The following SYNE2 variants were observed in gnomAD, a reference collection of about 807,000 sequenced individuals.
SYNE2 encodes nesprin-2.
In SYNE2, 431 loss-of-function variants were observed where a neutral mutation model predicts 856.3. The ratio of observed to expected loss-of-function variants is 0.50; its 90% CI spans 0.47 to 0.55. SYNE2 has a LOEUF of 0.55. Among genes scored for constraint, SYNE2 ranks in the 20% least tolerant of loss-of-function variants. The probability of loss-of-function intolerance (pLI) is 0.00; values close to 1 mark genes in which losing one functional copy is unlikely to be tolerated. For missense variants in SYNE2, 8,129 were observed against 8,023.2 expected (o/e 1.01, Z -0.50); for synonymous variants, 2,923 against 2,872.3 (o/e 1.02, Z -0.56).
intron 45 of SYNE2, among the ~76,000 whole-genome samples, chr14:64,047,041 T>G (rs1456925192): frequency 3.3e-5 from 5 of 152,230 alleles, no homozygotes; most frequent in Non-Finnish European, 7.3e-5. Context: ...AGGGCTGGTG[T>G]AACAGCCTTT....
At chr14:64,006,916 T>C in intron 30 of SYNE2, 127 bp from the exon 31 acceptor site, 1 of 732,058 alleles carries the variant, frequency 1.4e-6, no homozygotes, top group Non-Finnish European at 2.4e-6. Context: ...GTAACAGGAA[T>C]GTGTAATTTT....
intron 2 of SYNE2, among the ~76,000 whole-genome samples, chr14:63,919,403 C>T (rs184642595): frequency 5.2e-4 from 79 of 152,228 alleles, no homozygotes; most frequent in African/African-American, 1.7e-3. Flanking sequence ...AGCATGGAAG[C>T]GGGTCCAATC....
At chr14:63,942,256 G>A in intron 6 of SYNE2, 113 bp downstream of exon 6, 2 of 725,866 alleles carry the variant, frequency 2.8e-6, no homozygotes, top group South Asian at 3.1e-5. Flanking sequence ...CTATAAATAG[G>A]ACCTCTGAAA....
At chr14:64,131,842 TG>T (rs1414727444) in intron 76 of SYNE2, among the ~76,000 whole-genome samples, 2 of 152,244 alleles carry the variant, frequency 1.3e-5, no homozygotes, top group Non-Finnish European at 2.9e-5. Context: ...TCATTTAAAA[TG>T]GATTATTTAG....
At chr14:63,826,329 C>T (rs1264017584) in intron 1 of SYNE2, among the ~76,000 whole-genome samples, 1 of 152,094 alleles carries the variant, frequency 6.6e-6, no homozygotes, top group Non-Finnish European at 1.5e-5. Context: ...GAGACCGAGT[C>T]TCGCTCTGTT....
intron 1 of SYNE2, among the ~76,000 whole-genome samples, chr14:63,791,655 A>C (rs79450446): frequency 0.047 from 7,105 of 152,264 alleles, 253 homozygotes; most frequent in Non-Finnish European, 0.075. Flanking sequence ...CTCAAATAAA[A>C]ACTTAAGGCT....
Position 63,981,009 on chromosome 14 carries a change from A to G in SYNE2, c.1672A>G (p.Lys558Glu), listed in dbSNP as rs761401589. The change falls in exon 16 of 116, where the codon AAA becomes GAA. Residue 558 changes from lysine to glutamate, a missense_variant. Transcript: ENST00000555002. ...NLAGECQNINKQYMMVKSDVC... is the reference protein window; with the variant it reads ...NLAGECQNINEQYMMVKSDVC... The stretch of plus-strand genomic sequence containing the variant: ...AGCTGGAGAATGTCAGAATATTAAT[A>G]AACAGTATATGATGGTGAAATCTGA... The G allele has an allele frequency of 1.3e-6, 2 of 1,564,568 alleles. No homozygotes were observed. Among genetic ancestry groups the G allele is most frequent in the Non-Finnish European group, 1.8e-6 (2 of 1,139,152 alleles).
chr14:63,773,159 T>TTTTA (rs112329286), intron 1 of SYNE2, among the ~76,000 whole-genome samples: 35,040 of 151,814 alleles, frequency 0.23, 4,924 homozygotes, highest in African/African-American at 0.4. Context: ...TTAAACTCCA[T>TTTTA]TTTGTTATTA....
intron 1 of SYNE2, among the ~76,000 whole-genome samples, chr14:63,773,807 T>G (rs1459394140): frequency 6.6e-6 from 1 of 152,196 alleles, no homozygotes; most frequent in African/African-American, 2.4e-5. Flanking sequence ...ACATGAAAAG[T>G]GCAGATACCA....
In SYNE2 at chr14:64,121,209, G is replaced by C. The variant is rs2097895666; in HGVS notation, c.13158+148G>C. ...GTTCGAGGCCAGCCTGGGCAACATAGCGAGACCCTGTTTCAAAAACCAAAA... is the reference window on the plus strand; with the variant it reads ...GTTCGAGGCCAGCCTGGGCAACATACCGAGACCCTGTTTCAAAAACCAAAA... On this transcript the variant is annotated intron_variant, in intron 68 of 115. Transcript: ENST00000555002. The C allele has an allele frequency of 2.7e-6, 3 of 1,118,148 alleles. No individual in the cohort carries two copies. In the Admixed American group the frequency reaches 6.8e-5, roughly 25 times the overall value. The allele number at this position is 1,118,148 out of a possible 1,614,324, so 69.3% of individuals were successfully genotyped here.
intron 42 of SYNE2, among the ~76,000 whole-genome samples, 196 bp from the exon 43 acceptor site, chr14:64,027,288 A>G (rs919904681): frequency 9.2e-5 from 14 of 152,184 alleles, no homozygotes; most frequent in African/African-American, 3.4e-4. Context: ...TTTTTTAGTA[A>G]TACTCAAATA....
chr14:64,102,093 G>A (rs925979311), intron 64 of SYNE2, 51 bp downstream of exon 64: 2 of 1,302,408 alleles, frequency 1.5e-6, no homozygotes, highest in African/African-American at 1.5e-5. Flanking sequence ...GCCCAGGGGG[G>A]AGCAGGGATC....
chr14:64,065,869 C>T (rs1417630231), intron 51 of SYNE2, among the ~76,000 whole-genome samples: 1 of 152,120 alleles, frequency 6.6e-6, no homozygotes, highest in African/African-American at 2.4e-5. Context: ...TTATTGATAG[C>T]AGATAATTCT....
At chr14:64,026,773 C>T in intron 42 of SYNE2, 43 bp downstream of exon 42, 1 of 1,572,526 alleles carries the variant, frequency 6.4e-7, no homozygotes, top group Admixed American at 1.9e-5. Context: ...TCCCATTGCC[C>T]AGTGAAGCCA....
At position 63,769,302 on chromosome 14, in the gene SYNE2, T is replaced by C. The variant is rs892039915; in HGVS notation, c.-305+7316T>C. Among the ~76,000 whole-genome samples the C allele has an allele frequency of 7.1e-4, 108 of 152,002 alleles. 1 individual carries two copies. The highest frequency in any genetic ancestry group is 2.5e-4 in the Non-Finnish European group (17 of 68,008). On this transcript the variant is annotated intron_variant, in intron 1 of 23. Transcript: ENST00000674003. The stretch of plus-strand genomic sequence containing the variant: ...AAATATTACAGGGGTAGGCCAGGCA[T>C]GTTGGCTCATGCCTGTAATCCCAGC...
chr14:63,924,219 T>A (rs985114014), intron 2 of SYNE2, among the ~76,000 whole-genome samples: 2 of 152,218 alleles, frequency 1.3e-5, no homozygotes, highest in African/African-American at 4.8e-5. Context: ...TCTTCTATTA[T>A]ATAGATCAAC....
chr14:64,063,835 T>TA (rs1567192052), intron 50 of SYNE2, among the ~76,000 whole-genome samples: 1 of 152,218 alleles, frequency 6.6e-6, no homozygotes, highest in African/African-American at 2.4e-5. Flanking sequence ...AGTCCCCCTT[T>TA]ATCCACAGGG....
At chr14:63,851,985 G>C (rs1397461171), upstream of SYNE2, among the ~76,000 whole-genome samples, 8 of 59,978 alleles carry the variant, frequency 1.3e-4, 1 homozygote, top group African/African-American at 4.2e-4. Context: ...CGGGGGGGGG[G>C]GGGGGGGGAA....
rs78585060 is a variant in SYNE2 at position 64,158,950 on chromosome 14, A to G, written c.15963+155A>G. 5.9e-3 allele frequency among the ~76,000 whole-genome samples: 902 copies of G among 152,322 alleles called. 17 individuals carry two copies. The highest frequency in any genetic ancestry group is 0.021 in the African/African-American group (865 of 41,570). On this transcript the variant is annotated intron_variant, in intron 86 of 115. Coordinates refer to ENST00000555002, the MANE Select transcript of SYNE2 (RefSeq NM_182914.3). Reference sequence around the variant, plus strand: ...CAAAAGAATAACTGGAAATTCCAAAATAAGTCACATGAGCCAAATCAGTAA... The same window carrying G: ...CAAAAGAATAACTGGAAATTCCAAAGTAAGTCACATGAGCCAAATCAGTAA...
Sources: gnomAD v4.1 joint callset for allele counts (sites outside exome capture counted in the v4.1 genomes callset) on GRCh38, gnomAD v4.1.1 for gene constraint, MANE v1.5 for transcripts, NCBI Gene and HGNC (gene_info 2026-07-23, HGNC 2026-07-21) for gene names.